The following CFAP61 variants were observed in gnomAD, a reference collection of about 807,000 sequenced individuals.
CFAP61 encodes cilia- and flagella-associated protein 61.
CFAP61 carries 107 observed loss-of-function variants against 135.6 expected under a neutral mutation model. The ratio of observed to expected loss-of-function variants is 0.79; its 90% CI spans 0.67 to 0.93. CFAP61 has a LOEUF of 0.93. Among genes scored for constraint, CFAP61 ranks in the 40% least tolerant of loss-of-function variants. The pLI, the probability that CFAP61 is intolerant of heterozygous loss-of-function variation, is 0.00. For missense variants in CFAP61, 1,507 were observed against 1,556.2 expected, an observed-to-expected ratio of 0.97 and a Z score of 0.53; for synonymous variants, 575 against 578.5, an observed-to-expected ratio of 0.99 and a Z score of 0.09.
At chr20:20,143,072 G>T (rs941635213) in intron 9 of CFAP61, 124 bp downstream of exon 9, 3 of 618,860 alleles carry the variant, frequency 4.8e-6, no homozygotes, top group East Asian at 2.9e-5. Context: ...TGCAGAAAAG[G>T]CCTCACTAGC....
chr20:20,194,008 T>A (rs770084159), intron 15 of CFAP61, among the ~76,000 whole-genome samples: 4 of 152,260 alleles, frequency 2.6e-5, no homozygotes, highest in Non-Finnish European at 5.9e-5. Context: ...TGATCCTTTA[T>A]GAATAAATGT....
chr20:20,070,105 G>T, intron 2 of CFAP61, among the ~76,000 whole-genome samples: 1 of 152,186 alleles, frequency 6.6e-6, no homozygotes, highest in East Asian at 1.9e-4. Context: ...CAGGGTAGCA[G>T]TTGGGAGGGA....
intron 8 of CFAP61, among the ~76,000 whole-genome samples, chr20:20,136,208 G>A (rs752011032): frequency 5.3e-5 from 8 of 151,802 alleles, no homozygotes; most frequent in South Asian, 2.1e-4. Context: ...TAAATGCCTC[G>A]AGGTAGTCTT....
intron 8 of CFAP61, among the ~76,000 whole-genome samples, chr20:20,103,064 C>T (rs944074658): frequency 3.3e-5 from 5 of 152,124 alleles, no homozygotes; most frequent in Non-Finnish European, 7.3e-5. Flanking sequence ...GCTGACTTGG[C>T]TGGTGTGGTG....
intron 1 of CFAP61, 55 bp from the exon 2 acceptor site, chr20:20,056,563 G>A (rs770624356): frequency 1.7e-6 from 2 of 1,174,292 alleles, no homozygotes; most frequent in Non-Finnish European, 2.5e-6. Context: ...AATTGAATTA[G>A]TGTTCAGTTT....
In CFAP61 at chr20:20,052,576, T is replaced by A. The variant is rs889025020; in HGVS notation, c.-52T>A. 5.6e-6 allele frequency: 9 copies of A among 1,613,910 alleles called. No homozygotes were observed. The highest frequency in any genetic ancestry group is 7.6e-6 in the Non-Finnish European group (9 of 1,179,880). On this transcript the variant is annotated 5_prime_UTR_variant, in exon 1 of 27. Coordinates refer to ENST00000245957, the MANE Select transcript of CFAP61 (RefSeq NM_015585.4). ...CGGCAGCGCGTGGAGTGCGGCGTCC[T>A]GGAGCTGCGGATGAGGTGGGTAACG...
chr20:20,358,196 G>A (rs1244810670), intron 26 of CFAP61, among the ~76,000 whole-genome samples: 3 of 146,128 alleles, frequency 2.1e-5, no homozygotes, highest in South Asian at 4.6e-4. Flanking sequence ...TCACACTGAG[G>A]GGAATGGTCA....
chr20:20,076,915 G>A (rs549696898), intron 6 of CFAP61, among the ~76,000 whole-genome samples: 3 of 152,220 alleles, frequency 2.0e-5, no homozygotes, highest in East Asian at 1.9e-4. Context: ...GGGTGTAAGC[G>A]TATTGTCTAC....
intron 8 of CFAP61, among the ~76,000 whole-genome samples, chr20:20,128,976 TAAC>T (rs2050290832): frequency 6.6e-6 from 1 of 151,632 alleles, no homozygotes; most frequent in Non-Finnish European, 1.5e-5. Context: ...ATCTATCTCT[TAAC>T]AAGTTGTTAT....
intron 25 of CFAP61, chr20:20,323,194 T>A (rs1160306995): frequency 4.1e-6 from 4 of 985,254 alleles, no homozygotes; most frequent in Non-Finnish European, 4.8e-6. Flanking sequence ...GAGGGCCCCA[T>A]GGAATAAACG....
In CFAP61 at chr20:20,338,263, A is replaced by G. The variant is rs369723722; in HGVS notation, c.3423-3568A>G. ...CACCGTGCCAGAAAAGACACATACAAGCAAGAGCATCATTCTCTAAGGAAA... is the reference window on the plus strand; with the variant it reads ...CACCGTGCCAGAAAAGACACATACAGGCAAGAGCATCATTCTCTAAGGAAA... On this transcript the variant is annotated intron_variant, in intron 25 of 26. Coordinates refer to ENST00000245957, the MANE Select transcript of CFAP61 (RefSeq NM_015585.4). Among the ~76,000 whole-genome samples the G allele has an allele frequency of 3.3e-5, 5 of 152,300 alleles. No homozygotes were observed. The East Asian group carries it at 9.7e-4, about 29-fold the overall frequency.
intron 8 of CFAP61, among the ~76,000 whole-genome samples, chr20:20,142,069 A>G (rs771233821): frequency 1.3e-5 from 2 of 152,186 alleles, no homozygotes; most frequent in African/African-American, 2.4e-5. Context: ...ACATCCTCCA[A>G]TGATGTCTTC....
At chr20:20,184,006 T>G (rs1781899394) in intron 13 of CFAP61, among the ~76,000 whole-genome samples, 1 of 152,242 alleles carries the variant, frequency 6.6e-6, no homozygotes, top group South Asian at 2.1e-4. Context: ...ATGGACAGAC[T>G]GGTGAAACGA....
chr20:20,164,824 C>T (rs1169944680), intron 11 of CFAP61, among the ~76,000 whole-genome samples: 1 of 152,212 alleles, frequency 6.6e-6, no homozygotes, highest in South Asian at 2.1e-4. Context: ...AATGAACTCA[C>T]AGTTCCACGT....
Position 20,246,149 on chromosome 20 carries a change from T to G in CFAP61, c.2093T>G (p.Ile698Ser). 1 of 1,613,348 alleles carries G rather than the reference T, an allele frequency of 6.2e-7. No homozygotes were observed. The highest frequency in any genetic ancestry group is 8.5e-7 in the Non-Finnish European group (1 of 1,179,298). The change falls in exon 19 of 27, where the codon ATT becomes AGT. Residue 698 changes from isoleucine (I) to serine (S), a missense_variant. Ile to Ser is a moderately radical substitution (Grantham distance 142, BLOSUM62 -2). Transcript: ENST00000245957. ...ATGAAGTTTAATAATCTTACCCTGA[T>G]TTCAACTCATGGACTCCCAGGAAAA... ...SHMKFNNLTLISTHGLPGKKL... is the reference protein window; with the variant it reads ...SHMKFNNLTLSSTHGLPGKKL...
At chr20:20,327,777 CAAAAAAAAAAA>C (rs60171844) in intron 25 of CFAP61, among the ~76,000 whole-genome samples, 28 of 60,352 alleles carry the variant, frequency 4.6e-4, no homozygotes, top group African/African-American at 1.2e-3. Flanking sequence ...AAGAGCCTGT[CAAAAAAAAAAA>C]AAAAAAAAAA....
At chr20:20,148,348 G>A (rs1352691589) in intron 9 of CFAP61, among the ~76,000 whole-genome samples, 1 of 151,594 alleles carries the variant, frequency 6.6e-6, no homozygotes, top group Non-Finnish European at 1.5e-5. Flanking sequence ...TTGGCAGTAT[G>A]GTCATTTTCA....
intron 9 of CFAP61, among the ~76,000 whole-genome samples, chr20:20,148,362 T>C (rs1356118508): frequency 6.9e-6 from 1 of 145,098 alleles, no homozygotes; most frequent in Non-Finnish European, 1.5e-5. Flanking sequence ...ATTTTCACAA[T>C]GTTGATTCTA....
At chr20:20,178,689 A>G (rs1457323385) in intron 13 of CFAP61, among the ~76,000 whole-genome samples, 5 of 150,912 alleles carry the variant, frequency 3.3e-5, no homozygotes, top group Non-Finnish European at 5.9e-5. Context: ...CCCCCCCACC[A>G]TTTCTGTTTT....
Sources: gnomAD v4.1 joint callset for allele counts (sites outside exome capture counted in the v4.1 genomes callset) on GRCh38, gnomAD v4.1.1 for gene constraint, MANE v1.5 for transcripts, NCBI Gene and HGNC (gene_info 2026-07-23, HGNC 2026-07-21) for gene names.